RAPGEF5: variants seen among roughly 807,000 people sequenced by gnomAD.
RAPGEF5 encodes the protein Rap guanine nucleotide exchange factor 5, also known as M-Ras-regulated GEF.
In RAPGEF5, 65 loss-of-function variants were observed where a neutral mutation model predicts 125.2. That is an observed-to-expected ratio of 0.52 (90% CI 0.43 to 0.64). The LOEUF is 0.64. Among genes scored for constraint, RAPGEF5 ranks in the 30% least tolerant of loss-of-function variants. The pLI, the probability that RAPGEF5 is intolerant of heterozygous loss-of-function variation, is 0.00. For synonymous variants in RAPGEF5, 391 were observed against 385.9 expected (o/e 1.01, Z -0.16); for missense variants, 958 against 1,048.1 (o/e 0.91, Z 1.19).
intron 5 of RAPGEF5, among the ~76,000 whole-genome samples, chr7:22,307,898 C>G (rs949712118): frequency 6.6e-6 from 1 of 152,188 alleles, no homozygotes; most frequent in Non-Finnish European, 1.5e-5. Flanking sequence ...TATAGTGATT[C>G]AGTATCTTCA....
chr7:22,347,366 A>C (rs1784242450), intron 1 of RAPGEF5, among the ~76,000 whole-genome samples: 2 of 152,068 alleles, frequency 1.3e-5, no homozygotes, highest in African/African-American at 4.8e-5. Context: ...ATTTACTATG[A>C]TATTTCTATA....
intron 5 of RAPGEF5, among the ~76,000 whole-genome samples, chr7:22,303,922 G>C (rs2057988): frequency 0.073 from 11,097 of 152,268 alleles, 491 homozygotes; most frequent in African/African-American, 0.12. Flanking sequence ...AAGAGCAGAG[G>C]AAAGAGCAAG....
At chr7:22,137,236 A>T (rs1176314005) in intron 21 of RAPGEF5, among the ~76,000 whole-genome samples, 1 of 152,236 alleles carries the variant, frequency 6.6e-6, no homozygotes, top group Non-Finnish European at 1.5e-5. Flanking sequence ...TTGGTTAGAC[A>T]TTCCACATAC....
chr7:22,341,966 G>A (rs533146306), intron 1 of RAPGEF5, among the ~76,000 whole-genome samples: 1 of 152,206 alleles, frequency 6.6e-6, no homozygotes, highest in African/African-American at 2.4e-5. Context: ...CTAGGTGGTA[G>A]AGAGCTGTCC....
At chr7:22,247,814 TC>T (rs1786517381) in intron 7 of RAPGEF5, among the ~76,000 whole-genome samples, 1 of 152,110 alleles carries the variant, frequency 6.6e-6, no homozygotes, top group Non-Finnish European at 1.5e-5. Flanking sequence ...TGAAATAATG[TC>T]CTTTGTAGCA....
chr7:22,284,088 T>TGTGTGTGTGC (rs4000939), intron 6 of RAPGEF5, among the ~76,000 whole-genome samples: 114 of 151,454 alleles, frequency 7.5e-4, no homozygotes, highest in African/African-American at 2.6e-3. Context: ...TGTGTGTGTG[T>TGTGTGTGTGC]GCGCGTGCAT....
chr7:22,194,585 A>G, intron 9 of RAPGEF5: 3 of 984,832 alleles, frequency 3.0e-6, no homozygotes, highest in Non-Finnish European at 3.6e-6. Flanking sequence ...CATTCAATTC[A>G]ATTTTTTTTT....
Position 22,308,502 on chromosome 7 carries a change from G to C in RAPGEF5, c.517C>G (p.Gln173Glu), listed in dbSNP as rs1359325688. 6.5e-7 allele frequency: 1 copy of C among 1,531,058 alleles called. No individual in the cohort carries two copies. The highest frequency in any genetic ancestry group is 8.8e-7 in the Non-Finnish European group (1 of 1,137,030). 94.8% of individuals were successfully genotyped at this position (1,531,058 alleles called of 1,614,324 possible). Residue 173 changes from glutamine (Q) to glutamate (E), a missense_variant, in exon 5 of 26, where the codon CAG becomes GAG. Physicochemically the swap from Gln to Glu is conservative, Grantham distance 29. Coordinates refer to ENST00000665637, the MANE Select transcript of RAPGEF5 (RefSeq NM_012294.5). ...TAAGTATCTTGAAAGTATAGATGCT[G>C]GTCCACTGTTTGAAACAAAAAATAT... ...LDMGIMLSVD[Q>E]HLYFQDTYVF...
intron 16 of RAPGEF5, 38 bp from the exon 17 acceptor site, chr7:22,154,642 A>T (rs1783742495): frequency 6.2e-7 from 1 of 1,603,836 alleles, no homozygotes; most frequent in South Asian, 1.1e-5. Context: ...AACAGAGAAC[A>T]GTGGTCACGA....
intron 6 of RAPGEF5, among the ~76,000 whole-genome samples, chr7:22,284,095 G>A (rs1782739608): frequency 1.3e-5 from 2 of 151,968 alleles, no homozygotes; most frequent in Admixed American, 6.6e-5. Flanking sequence ...GTGTGCGCGT[G>A]CATGTGGCAA....
At chr7:22,307,413 G>A (rs1174503679) in intron 5 of RAPGEF5, among the ~76,000 whole-genome samples, 3 of 152,028 alleles carry the variant, frequency 2.0e-5, no homozygotes, top group Non-Finnish European at 4.4e-5. Context: ...ACTATAACCG[G>A]GTATTATGAG....
At chr7:22,346,100 C>G (rs1784219786) in intron 1 of RAPGEF5, among the ~76,000 whole-genome samples, 1 of 152,156 alleles carries the variant, frequency 6.6e-6, no homozygotes, top group Non-Finnish European at 1.5e-5. Context: ...GAGGTGTCAT[C>G]TCAACACAGA....
chr7:22,330,083 C>A (rs976261546), intron 1 of RAPGEF5, among the ~76,000 whole-genome samples: 1 of 152,174 alleles, frequency 6.6e-6, no homozygotes, highest in African/African-American at 2.4e-5. Flanking sequence ...CCTGTCACCT[C>A]CAACCCTATA....
At chr7:22,216,591 C>T (rs1175018467) in intron 9 of RAPGEF5, among the ~76,000 whole-genome samples, 1 of 152,168 alleles carries the variant, frequency 6.6e-6, no homozygotes, top group Non-Finnish European at 1.5e-5. Context: ...AAATACAATG[C>T]CTACATCAGA....
intron 5 of RAPGEF5, among the ~76,000 whole-genome samples, chr7:22,293,914 T>G (rs1442212770): frequency 6.6e-6 from 1 of 152,192 alleles, no homozygotes; most frequent in Non-Finnish European, 1.5e-5. Flanking sequence ...CCAGACTCTC[T>G]TTTCTCCAGC....
At chr7:22,195,076 C>T (rs186172441) in intron 9 of RAPGEF5, among the ~76,000 whole-genome samples, 314 of 152,292 alleles carry the variant, frequency 2.1e-3, no homozygotes, top group Admixed American at 5.6e-3. Flanking sequence ...GATGATGTCA[C>T]CTCTTTAAAA....
intron 23 of RAPGEF5, among the ~76,000 whole-genome samples, chr7:22,134,565 T>G (rs192891900): frequency 1.3e-5 from 2 of 152,340 alleles, no homozygotes; most frequent in Admixed American, 1.3e-4. Flanking sequence ...TCATATCTAA[T>G]TAAGTTAAAG....
chr7:22,312,001 A>G (rs1243542191), intron 3 of RAPGEF5, among the ~76,000 whole-genome samples: 4 of 152,232 alleles, frequency 2.6e-5, no homozygotes, highest in African/African-American at 7.2e-5. Flanking sequence ...GGACTATGAA[A>G]GAACACAATA....
At chr7:22,310,875 G>T (rs2128153129) in intron 3 of RAPGEF5, among the ~76,000 whole-genome samples, 1 of 152,240 alleles carries the variant, frequency 6.6e-6, no homozygotes, top group Admixed American at 6.5e-5. Context: ...TCAAAAAAAT[G>T]TCATAACCTG....
Sources: gnomAD v4.1 joint callset for allele counts (sites outside exome capture counted in the v4.1 genomes callset) on GRCh38, gnomAD v4.1.1 for gene constraint, MANE v1.5 for transcripts, NCBI Gene and HGNC (gene_info 2026-07-23, HGNC 2026-07-21) for gene names.